The following PCDHA5 variants were observed in gnomAD, a reference collection of about 807,000 sequenced individuals.
PCDHA5 encodes the protein protocadherin alpha-5.
A neutral mutation model predicts 61.6 loss-of-function variants in PCDHA5; 43 were observed. That is an observed-to-expected ratio of 0.70 (90% CI 0.55 to 0.90). The LOEUF is 0.90. PCDHA5 is among the 40% of genes least tolerant of loss of function. The pLI, the probability that PCDHA5 is intolerant of heterozygous loss-of-function variation, is 0.00. For synonymous variants in PCDHA5, 627 were observed against 543.9 expected (o/e 1.15, Z -2.13); for missense variants, 1,298 against 1,222.7 (o/e 1.06, Z -0.92).
chr5:140,869,837 C>A (rs374182289), intron 1 of PCDHA5: 48 of 1,611,366 alleles, frequency 3.0e-5, no homozygotes, highest in Non-Finnish European at 3.6e-5. Flanking sequence ...TTTGATAAAT[C>A]AGAATATAAG....
intron 1 of PCDHA5, chr5:140,863,957 G>A (rs2048253350): frequency 6.4e-6 from 1 of 157,074 alleles, no homozygotes; most frequent in Non-Finnish European, 1.4e-5. Flanking sequence ...GCCTAGATTA[G>A]GCCACTGCAC....
At position 140,968,115 on chromosome 5, in the gene PCDHA5, C is replaced by T. The variant is rs199565711; in HGVS notation, c.2353-10834C>T. On this transcript the variant is annotated intron_variant, in intron 1 of 3. Coordinates refer to ENST00000529859, the MANE Select transcript of PCDHA5 (RefSeq NM_018908.3). ...ACAGATGGGGGAATACCGCAGCTCACATCCCTGCGTACACTGAAGGTTGAG... is the reference window on the plus strand; with the variant it reads ...ACAGATGGGGGAATACCGCAGCTCATATCCCTGCGTACACTGAAGGTTGAG... 8.7e-6 allele frequency: 14 copies of T among 1,614,068 alleles called. No individual in the cohort carries two copies. In the Admixed American group the frequency reaches 1.2e-4, roughly 13 times the overall value.
At chr5:141,003,668 A>G (rs1353003376) in intron 3 of PCDHA5, among the ~76,000 whole-genome samples, 1 of 152,196 alleles carries the variant, frequency 6.6e-6, no homozygotes, top group Non-Finnish European at 1.5e-5. Context: ...ATTAAAATAT[A>G]TGTTGTTCTG....
chr5:140,927,191 T>G, intron 1 of PCDHA5: 1 of 1,614,144 alleles, frequency 6.2e-7, no homozygotes. Flanking sequence ...TACGACCTGG[T>G]GCTCGAGGAC....
intron 1 of PCDHA5, chr5:140,884,546 T>C (rs1554181711): frequency 6.2e-7 from 1 of 1,614,082 alleles, no homozygotes; most frequent in Non-Finnish European, 8.5e-7. Flanking sequence ...GAGGGTGTGC[T>C]CTGGGGAGGG....
At chr5:140,863,452 G>T in intron 1 of PCDHA5, 2 of 561,032 alleles carry the variant, frequency 3.6e-6, no homozygotes, top group Non-Finnish European at 6.8e-6. Flanking sequence ...TCGCAGCAAA[G>T]GAGATTTTAC....
chr5:141,009,825 T>A lies in PCDHA5; in HGVS notation c.2699T>A (p.Ile900Lys). ...AGCCAAATTGACAAAAGTGACTTCA[T>A]AACCTTCGGCAAAAAGGAGGAGACC... ...TNSQIDKSDF[I>K]TFGKKEETKK... is the part of the protein sequence containing the mutation. The change falls in exon 4 of 4, where the codon ATA (isoleucine) becomes AAA (lysine). Residue 900 changes from isoleucine to lysine, a missense_variant. Physicochemically the swap from Ile to Lys is moderately radical, Grantham distance 102. Coordinates refer to ENST00000529859, the MANE Select transcript of PCDHA5 (RefSeq NM_018908.3). 2 of 1,613,774 alleles carry A rather than the reference T, an allele frequency of 1.2e-6. No homozygotes were observed.
chr5:140,858,489 C>A, intron 1 of PCDHA5: 1 of 1,498,912 alleles, frequency 6.7e-7, no homozygotes, highest in Non-Finnish European at 9.1e-7. Flanking sequence ...AATATTTTCT[C>A]TTACCGCATT....
chr5:140,875,407 A>G (rs2055457272), intron 1 of PCDHA5: 2 of 1,497,672 alleles, frequency 1.3e-6, no homozygotes, highest in Non-Finnish European at 1.8e-6. Flanking sequence ...GACTGCTCAT[A>G]AAATACCTCA....
intron 3 of PCDHA5, among the ~76,000 whole-genome samples, chr5:140,988,734 T>C (rs2097310672): frequency 1.3e-5 from 2 of 152,212 alleles, no homozygotes. Context: ...ATAGTAATTA[T>C]TCTAGGATTG....
intron 1 of PCDHA5, chr5:140,830,254 G>A: frequency 6.2e-7 from 1 of 1,613,692 alleles, no homozygotes; most frequent in East Asian, 2.2e-5. Flanking sequence ...ACACAGCGCT[G>A]CGGTGCTCGG....
chr5:141,003,258 G>T (rs1029666608), intron 3 of PCDHA5, among the ~76,000 whole-genome samples: 1 of 152,240 alleles, frequency 6.6e-6, no homozygotes, highest in Admixed American at 6.5e-5. Flanking sequence ...TTCCTGGGCA[G>T]TGCCTAAGGG....
chr5:140,830,610 TTTA>T lies in PCDHA5; in HGVS notation c.2352+6486_2352+6488del, dbSNP rs1771162237. 8.1e-6 allele frequency: 5 copies of T among 618,590 alleles called. No homozygotes were observed. In the East Asian group the frequency reaches 1.0e-4, roughly 13 times the overall value. The allele number at this position is 618,590 out of a possible 1,614,324, so 38.3% of individuals were successfully genotyped here. On this transcript the variant is annotated intron_variant, in intron 1 of 3. Transcript: ENST00000529859. ...ATTTTACAAAATTACATATTTTCAT[TTTA>T]TTGTGTTTCTTATTTTAATCTCTTT...
intron 3 of PCDHA5, among the ~76,000 whole-genome samples, chr5:140,983,788 C>T (rs1319880543): frequency 6.6e-6 from 1 of 152,144 alleles, no homozygotes; most frequent in Non-Finnish European, 1.5e-5. Context: ...TAACAGATGA[C>T]AGAATGTGTG....
At chr5:140,967,254 C>G in intron 1 of PCDHA5, 3 of 1,613,562 alleles carry the variant, frequency 1.9e-6, no homozygotes, top group Non-Finnish European at 2.5e-6. Context: ...TCGGTGGCGC[C>G]TGGAGCGCGC....
chr5:140,856,174 C>T, intron 1 of PCDHA5: 1 of 1,598,296 alleles, frequency 6.3e-7, no homozygotes, highest in Non-Finnish European at 8.6e-7. Flanking sequence ...GACACGGCAC[C>T]TTCGTGGGCC....
At chr5:140,947,252 T>A (rs1554218120) in intron 1 of PCDHA5, among the ~76,000 whole-genome samples, 1 of 151,596 alleles carries the variant, frequency 6.6e-6, no homozygotes, top group Non-Finnish European at 1.5e-5. Flanking sequence ...GATAATCCAA[T>A]GTACCATTTG....
In PCDHA5 at chr5:140,823,698, A is replaced by G; in HGVS notation, c.1923A>G (p.Ala641=). The G allele has an allele frequency of 6.2e-7, 1 of 1,613,892 alleles. No homozygotes were observed. The highest frequency in any genetic ancestry group is 8.5e-7 in the Non-Finnish European group (1 of 1,179,916). Residue 641 remains alanine (A), a synonymous_variant, in exon 1 of 4, where the codon GCA becomes GCG. Coordinates refer to ENST00000529859, the MANE Select transcript of PCDHA5 (RefSeq NM_018908.3). ...CACGCTCTCTGGATGAGACCGAAGC[A>G]CCGCGCCACCGCCTTCTGGTGCTGG... ...STTRSLDETE[A]PRHRLLVLVK... is the part of the protein sequence containing the mutation.
chr5:140,925,124 A>AGGAAGGAAGGAAGGAAGGAAGGAAGG, intron 1 of PCDHA5, among the ~76,000 whole-genome samples: 1 of 151,856 alleles, frequency 6.6e-6, no homozygotes, highest in Non-Finnish European at 1.5e-5. Flanking sequence ...GAAGGAAGGA[A>AGGAAGGAAGGAAGGAAGGAAGGAAGG]AAAAAATTTC....
Sources: allele counts gnomAD v4.1 joint callset (sites outside exome capture counted in the v4.1 genomes callset), GRCh38; gene constraint gnomAD v4.1.1; transcripts MANE v1.5; gene names NCBI Gene and HGNC (gene_info 2026-07-23, HGNC 2026-07-21).